ADGB: variants seen among roughly 807,000 people sequenced by gnomAD.
ADGB encodes the protein calpain-7-like protein.
Under a neutral mutation model 210.5 loss-of-function variants are expected in ADGB, and 172 were observed. The ratio of observed to expected loss-of-function variants is 0.82; its 90% CI spans 0.72 to 0.93. The LOEUF (loss-of-function observed/expected upper bound fraction) is 0.93, where lower values mean the gene tolerates loss of function less well. Among genes scored for constraint, ADGB ranks in the 40% least tolerant of loss-of-function variants. The probability of loss-of-function intolerance (pLI) is 0.00; values close to 1 mark genes in which losing one functional copy is unlikely to be tolerated. For missense variants in ADGB, 2,025 were observed against 1,964.8 expected, an observed-to-expected ratio of 1.03 and a Z score of -0.58; for synonymous variants, 658 against 662.7, an observed-to-expected ratio of 0.99 and a Z score of 0.11.
chr6:146,614,265 T>A (rs985361549), intron 1 of ADGB, among the ~76,000 whole-genome samples: 27 of 143,116 alleles, frequency 1.9e-4, no homozygotes, highest in Non-Finnish European at 3.2e-4. Context: ...TTTTTTGATA[T>A]AACATTGATA....
intron 27 of ADGB, among the ~76,000 whole-genome samples, chr6:146,762,541 G>T (rs1410126): frequency 0.19 from 29,112 of 151,960 alleles, 3,407 homozygotes; most frequent in Middle Eastern, 0.29. Context: ...CTCAAGTTAT[G>T]GTCACATTTT....
chr6:146,709,690 T>C, intron 13 of ADGB, among the ~76,000 whole-genome samples: 1 of 152,212 alleles, frequency 6.6e-6, no homozygotes, highest in Admixed American at 6.5e-5. Flanking sequence ...GGTAGGGATC[T>C]ACTTTACTGC....
intron 25 of ADGB, among the ~76,000 whole-genome samples, chr6:146,744,634 G>T (rs1197596675): frequency 6.6e-6 from 1 of 152,038 alleles, no homozygotes; most frequent in East Asian, 1.9e-4. Flanking sequence ...TGAAAAATCA[G>T]AATTGTTTGC....
chr6:146,712,777 T>G (rs531835937), intron 13 of ADGB, among the ~76,000 whole-genome samples: 1 of 152,294 alleles, frequency 6.6e-6, no homozygotes, highest in African/African-American at 2.4e-5. Context: ...ACACACAACA[T>G]TTACCATCTT....
intron 27 of ADGB, among the ~76,000 whole-genome samples, chr6:146,756,934 C>T (rs1777415296): frequency 6.6e-6 from 1 of 151,832 alleles, no homozygotes; most frequent in Non-Finnish European, 1.5e-5. Context: ...ATTATGTTGG[C>T]CATGCTGGTC....
chr6:146,723,692 G>A (rs538815175), intron 17 of ADGB, among the ~76,000 whole-genome samples: 56 of 152,162 alleles, frequency 3.7e-4, no homozygotes, highest in Middle Eastern at 3.4e-3. Context: ...AACCGAGATC[G>A]CACCACTGCA....
intron 2 of ADGB, among the ~76,000 whole-genome samples, chr6:146,642,221 A>C (rs945506549): frequency 3.9e-5 from 6 of 152,202 alleles, no homozygotes; most frequent in Non-Finnish European, 8.8e-5. Context: ...TATTATTAAA[A>C]AGCCAAAAAA....
At chr6:146,661,814 T>C (rs1363801051) in intron 5 of ADGB, among the ~76,000 whole-genome samples, 8 of 152,138 alleles carry the variant, frequency 5.3e-5, no homozygotes, top group Admixed American at 2.6e-4. Context: ...ATCTTATCTT[T>C]CCTTTATCTG....
At chr6:146,714,611 A>G (rs1287190828) in intron 13 of ADGB, among the ~76,000 whole-genome samples, 1 of 152,190 alleles carries the variant, frequency 6.6e-6, no homozygotes, top group Non-Finnish European at 1.5e-5. Flanking sequence ...CTGAACCAGA[A>G]AGATTAGGGA....
chr6:146,739,721 G>C (rs1777135914), intron 23 of ADGB, among the ~76,000 whole-genome samples: 2 of 152,122 alleles, frequency 1.3e-5, no homozygotes, highest in Non-Finnish European at 2.9e-5. Flanking sequence ...TGGCCATAAT[G>C]CTTCCATCCC....
rs149704876 is a variant in ADGB, at chr6:146,798,198, G to T, written c.4538-2985G>T. ...AGGAAGTCCTTCAGGCTGAAAGAAG[G>T]TGACATCCAAAGGGAATTCACATTC... is the stretch of plus-strand genomic sequence containing the variant. On this transcript the variant is annotated intron_variant, in intron 33 of 35. Coordinates refer to ENST00000397944, the MANE Select transcript of ADGB (RefSeq NM_024694.4). Among the ~76,000 whole-genome samples the T allele has an allele frequency of 6.0e-3, 920 of 152,218 alleles. 10 individuals are homozygous for T. Among genetic ancestry groups the T allele is most frequent in the African/African-American group, 0.021 (878 of 41,550 alleles).
At chr6:146,810,366 C>G (rs259380) in intron 35 of ADGB, among the ~76,000 whole-genome samples, 41,262 of 151,938 alleles carry the variant, frequency 0.27, 6,486 homozygotes, top group African/African-American at 0.42. Flanking sequence ...ATGTAAATTG[C>G]AATAGCCGTT....
At chr6:146,751,774 A>AT (rs1325736021) in intron 26 of ADGB, among the ~76,000 whole-genome samples, 1 of 152,036 alleles carries the variant, frequency 6.6e-6, no homozygotes, top group East Asian at 1.9e-4. Context: ...CATGTATGTC[A>AT]TTTTTTGAGA....
intron 29 of ADGB, among the ~76,000 whole-genome samples, chr6:146,770,068 C>T (rs1777629290): frequency 6.6e-6 from 1 of 152,162 alleles, no homozygotes; most frequent in African/African-American, 2.4e-5. Flanking sequence ...TCACCTGTTT[C>T]GTCCCTTGCA....
chr6:146,806,527 C>T (rs188670922), intron 35 of ADGB, among the ~76,000 whole-genome samples: 4 of 152,218 alleles, frequency 2.6e-5, no homozygotes, highest in Admixed American at 6.5e-5. Flanking sequence ...GTAAAAACTT[C>T]GGGAATTCTG....
At chr6:146,683,297 A>C (rs935634039) in intron 9 of ADGB, among the ~76,000 whole-genome samples, 3 of 152,096 alleles carry the variant, frequency 2.0e-5, no homozygotes, top group Admixed American at 1.3e-4. Context: ...GTGTTACATA[A>C]TAGTTCACTG....
chr6:146,688,559 G>A (rs140368815), intron 10 of ADGB, among the ~76,000 whole-genome samples: 2 of 152,212 alleles, frequency 1.3e-5, no homozygotes, highest in African/African-American at 2.4e-5. Context: ...GAGAGCCAAG[G>A]CATAAAGATT....
intron 27 of ADGB, among the ~76,000 whole-genome samples, chr6:146,763,463 C>T (rs1281439461): frequency 2.6e-5 from 4 of 151,846 alleles, no homozygotes; most frequent in Non-Finnish European, 5.9e-5. Context: ...AAATTCTTCA[C>T]CACATTTCCA....
intron 2 of ADGB, among the ~76,000 whole-genome samples, chr6:146,636,961 C>A (rs1439524072): frequency 6.6e-6 from 1 of 151,916 alleles, no homozygotes; most frequent in East Asian, 1.9e-4. Flanking sequence ...TCCTCTAAGT[C>A]CAGAGAAAGG....
Sources: allele counts gnomAD v4.1 joint callset (sites outside exome capture counted in the v4.1 genomes callset), GRCh38; gene constraint gnomAD v4.1.1; transcripts MANE v1.5; gene names NCBI Gene and HGNC (gene_info 2026-07-23, HGNC 2026-07-21).